The following ME3 variants were observed in gnomAD, a reference collection of about 807,000 sequenced individuals.
ME3 encodes the protein NADP-dependent malic enzyme, mitochondrial.
In ME3, 48 loss-of-function variants were observed where a neutral mutation model predicts 68.9. The observed-to-expected ratio is 0.70, with a 90% CI of 0.55 to 0.89. The LOEUF (loss-of-function observed/expected upper bound fraction) is 0.89, where lower values mean the gene tolerates loss of function less well. Ranked by LOEUF, ME3 falls within the 40% of genes least tolerant of loss-of-function variation. The pLI, the probability that ME3 is intolerant of heterozygous loss-of-function variation, is 0.00. For synonymous variants in ME3, 320 were observed against 318.8 expected, an observed-to-expected ratio of 1.00 and a Z score of -0.04; for missense variants, 675 against 797.4, an observed-to-expected ratio of 0.85 and a Z score of 1.85.
At chr11:86,489,880 C>G (rs187230573) in intron 6 of ME3, among the ~76,000 whole-genome samples, 1 of 152,060 alleles carries the variant, frequency 6.6e-6, no homozygotes, top group Admixed American at 6.5e-5. Flanking sequence ...TCAAAGGACC[C>G]GAGAGGTAGG....
At chr11:86,575,318 C>T (rs1396858867) in intron 2 of ME3, among the ~76,000 whole-genome samples, 1 of 146,620 alleles carries the variant, frequency 6.8e-6, no homozygotes, top group East Asian at 1.9e-4. Flanking sequence ...GTAGAGGGTC[C>T]ACTTTAGCTA....
In ME3 at chr11:86,587,078, G is replaced by A. The variant is rs181318009; in HGVS notation, c.184-27255C>T. On this transcript the variant is annotated intron_variant, in intron 2 of 14. Transcript: ENST00000543262. ...GGGACTAATGCTTAGGGTTACAAAG[G>A]AGGTAGATGGTAAGGTTTTGTAAAG... is the stretch of plus-strand genomic sequence containing the variant. Among the ~76,000 whole-genome samples the A allele has an allele frequency of 2.5e-3, 378 of 152,326 alleles. 1 individual carries two copies. Among genetic ancestry groups the A allele is most frequent in the Admixed American group, 3.4e-3 (52 of 15,294 alleles).
rs145692162 is a variant in ME3, at chr11:86,473,375, T to G, written c.810-8175A>C. On this transcript the variant is annotated intron_variant, in intron 7 of 14. Transcript: ENST00000543262. ...GGGAGGGAACCATCTGGCATGGGGTTAAAGTGAAAATGGAAGGGGAGGAAA... is the reference window on the plus strand; with the variant it reads ...GGGAGGGAACCATCTGGCATGGGGTGAAAGTGAAAATGGAAGGGGAGGAAA... Among the ~76,000 whole-genome samples the G allele has an allele frequency of 2.6e-3, 394 of 152,170 alleles. 1 individual carries two copies. Among genetic ancestry groups the G allele is most frequent in the African/African-American group, 9.1e-3 (379 of 41,514 alleles).
intron 6 of ME3, among the ~76,000 whole-genome samples, chr11:86,497,668 G>A (rs571714755): frequency 6.6e-6 from 1 of 152,264 alleles, no homozygotes; most frequent in East Asian, 1.9e-4. Flanking sequence ...GGTAATGGGG[G>A]TCAGAGAGGA....
chr11:86,608,586 T>C (rs150043538), intron 2 of ME3, among the ~76,000 whole-genome samples: 102 of 152,292 alleles, frequency 6.7e-4, no homozygotes, highest in African/African-American at 2.3e-3. Flanking sequence ...GTGCAGCTGC[T>C]GGCAGAACTT....
chr11:86,658,344 A>G (rs555972720), intron 2 of ME3, among the ~76,000 whole-genome samples: 1 of 152,042 alleles, frequency 6.6e-6, no homozygotes, highest in African/African-American at 2.4e-5. Flanking sequence ...CCTGGTCTCG[A>G]ACTCCTGAGG....
chr11:86,672,268 C>T (rs943816004), intron 1 of ME3, 56 bp downstream of exon 1: 4 of 295,516 alleles, frequency 1.4e-5, no homozygotes, highest in African/African-American at 8.7e-5. Context: ...CGAGGGGTCC[C>T]CGTACCCCTA....
At position 86,500,210 on chromosome 11, in the gene ME3, T is replaced by C. The variant is rs79614200; in HGVS notation, c.544-2086A>G. Among the ~76,000 whole-genome samples the C allele has an allele frequency of 5.5e-3, 843 of 152,338 alleles. 6 individuals are homozygous for C. Among genetic ancestry groups the C allele is most frequent in the African/African-American group, 0.019 (806 of 41,586 alleles). On this transcript the variant is annotated intron_variant, in intron 5 of 14. Coordinates refer to ENST00000543262, the Ensembl canonical transcript of ME3. ...CCTAATTAGAGCTTCCTTATTATGG[T>C]TCCCATTCTGTCAGAATCCTTCTCT... is the stretch of plus-strand genomic sequence containing the variant.
At chr11:86,570,878 G>C (rs1486660569) in intron 2 of ME3, among the ~76,000 whole-genome samples, 1 of 152,158 alleles carries the variant, frequency 6.6e-6, no homozygotes, top group Non-Finnish European at 1.5e-5. Context: ...ATGGGGGAGT[G>C]GGAAGGGAAC....
At chr11:86,483,762 G>A (rs112021809) in intron 7 of ME3, among the ~76,000 whole-genome samples, 1,538 of 152,332 alleles carry the variant, frequency 0.01, 17 homozygotes, top group Non-Finnish European at 0.016. Context: ...GGCCAAAGCT[G>A]CTGCTGACAT....
At chr11:86,487,604 T>A (rs1269197125) in intron 6 of ME3, among the ~76,000 whole-genome samples, 164 bp from the exon 7 acceptor site, 1 of 151,084 alleles carries the variant, frequency 6.6e-6, no homozygotes, top group Admixed American at 6.6e-5. Flanking sequence ...TCTGAAAGGG[T>A]CTGGAGGCTA....
rs183492154 is a variant in ME3 at position 86,466,547 on chromosome 11, G to T, written c.810-1347C>A. Among the ~76,000 whole-genome samples the T allele has an allele frequency of 2.0e-5, 3 of 152,120 alleles. No individual in the cohort carries two copies. The South Asian group carries it at 6.2e-4, about 32-fold the overall frequency. On this transcript the variant is annotated intron_variant, in intron 7 of 14. Transcript: ENST00000543262. ...AAGGTGGGTGGGGCACATGCTTGGG[G>T]GGCTTCCTGTGCTCTCGGGGCATCT...
At chr11:86,455,692 A>T (rs2138662697) in intron 8 of ME3, among the ~76,000 whole-genome samples, 1 of 152,238 alleles carries the variant, frequency 6.6e-6, no homozygotes. Context: ...ATTCCTTAAG[A>T]CTGCCCAAAT....
chr11:86,596,970 G>A (rs1026382054), intron 2 of ME3, among the ~76,000 whole-genome samples: 1 of 152,210 alleles, frequency 6.6e-6, no homozygotes, highest in Non-Finnish European at 1.5e-5. Flanking sequence ...GTCATAGAGG[G>A]AAGCCTCTGA....
At chr11:86,550,927 A>T (rs1170318967) in intron 4 of ME3, among the ~76,000 whole-genome samples, 1 of 151,974 alleles carries the variant, frequency 6.6e-6, no homozygotes, top group Non-Finnish European at 1.5e-5. Context: ...GTATTTAGGA[A>T]GCAGAGGTGT....
chr11:86,606,700 A>T (rs1160107935), intron 2 of ME3, among the ~76,000 whole-genome samples: 1 of 152,228 alleles, frequency 6.6e-6, no homozygotes, highest in Non-Finnish European at 1.5e-5. Flanking sequence ...CATGGTGCTT[A>T]TAACTCTCCC....
chr11:86,635,310 C>T (rs1006213490), intron 2 of ME3, among the ~76,000 whole-genome samples: 2 of 152,170 alleles, frequency 1.3e-5, no homozygotes, highest in African/African-American at 4.8e-5. Flanking sequence ...TGAGGAAGGG[C>T]CACGTGAGGA....
At chr11:86,628,612 G>T (rs1032292492) in intron 2 of ME3, among the ~76,000 whole-genome samples, 2 of 152,124 alleles carry the variant, frequency 1.3e-5, no homozygotes, top group African/African-American at 4.8e-5. Flanking sequence ...TAGACTATTT[G>T]ATACTAAGGT....
At chr11:86,530,386 A>G (rs1444687806) in intron 4 of ME3, among the ~76,000 whole-genome samples, 3 of 152,240 alleles carry the variant, frequency 2.0e-5, no homozygotes, top group Non-Finnish European at 1.5e-5. Flanking sequence ...ATGCTCATGG[A>G]TAGGAAGAAT....
Sources: allele counts gnomAD v4.1 joint callset (sites outside exome capture counted in the v4.1 genomes callset), GRCh38; gene constraint gnomAD v4.1.1; transcripts MANE v1.5; gene names NCBI Gene and HGNC (gene_info 2026-07-23, HGNC 2026-07-21).